FAAH2: variants seen among roughly 807,000 people sequenced by gnomAD.
The protein encoded by FAAH2 is fatty acid amide hydrolase 2, also known as fatty-acid amide hydrolase 2.
In FAAH2, 60 loss-of-function variants were observed where a neutral mutation model predicts 36.9. That is an observed-to-expected ratio of 1.63 (90% CI 1.32 to 2.02). The LOEUF (loss-of-function observed/expected upper bound fraction) is 2.02. Ranked by LOEUF, FAAH2 falls within the 30% of genes most tolerant of loss-of-function variation. The probability of loss-of-function intolerance (pLI) is 0.00; values close to 1 mark genes in which losing one functional copy is unlikely to be tolerated. For missense variants in FAAH2, 689 were observed against 397.5 expected (o/e 1.73, Z -6.23); for synonymous variants, 214 against 143.8 (o/e 1.49, Z -3.49).
the FAAH2 span, chrX:57,127,031 A>G: frequency 2.7e-5 from 3 of 111,401 alleles, no homozygotes; most frequent in African/African-American, 9.8e-5. Flanking sequence ...CCATCCCTGG[A>G]GTCCTACTTC....
At chrX:57,211,467 G>C in the FAAH2 span, among the ~76,000 whole-genome samples, 1 of 111,844 alleles carries the variant, frequency 8.9e-6, no homozygotes, top group African/African-American at 3.2e-5. Context: ...TGGAGGCAGA[G>C]CATGGAACCA....
At chrX:57,471,780 G>A (rs1403276576) in intron 10 of FAAH2, among the ~76,000 whole-genome samples, 1 of 111,668 alleles carries the variant, frequency 9.0e-6, no homozygotes. Context: ...AGCCCGCATT[G>A]CCAAGTCAAC....
chrX:57,409,129 A>G (rs2055637379), intron 7 of FAAH2, among the ~76,000 whole-genome samples: 1 of 111,668 alleles, frequency 9.0e-6, no homozygotes, highest in African/African-American at 3.2e-5. Flanking sequence ...ACATATATAA[A>G]CATATAAATA....
chrX:57,394,456 G>T (rs2055243568), intron 7 of FAAH2: 8 of 1,199,957 alleles, frequency 6.7e-6, no homozygotes, highest in Admixed American at 4.3e-5. Flanking sequence ...GCTTACCAAT[G>T]GGCTTCGGTT....
At chrX:57,394,066 A>C in intron 7 of FAAH2, 1 of 733,017 alleles carries the variant, frequency 1.4e-6, no homozygotes, top group South Asian at 2.1e-5. Flanking sequence ...TCTGAGCATC[A>C]ATAGCCGCAG....
At chrX:57,405,332 G>A (rs1024317875) in intron 7 of FAAH2, among the ~76,000 whole-genome samples, 1 of 111,127 alleles carries the variant, frequency 9.0e-6, no homozygotes, top group East Asian at 2.9e-4. Flanking sequence ...GTTGCACCAT[G>A]CAGTGAGTGT....
chrX:57,127,200 T>G, the FAAH2 span: 2 of 111,603 alleles, frequency 1.8e-5, no homozygotes, highest in Admixed American at 1.9e-4. Flanking sequence ...TTAAGTTATA[T>G]GAAACAATAC....
intron 5 of FAAH2, among the ~76,000 whole-genome samples, chrX:57,353,485 A>G (rs2054079803): frequency 6.2e-5 from 2 of 32,480 alleles, no homozygotes; most frequent in African/African-American, 1.4e-4. Flanking sequence ...ACCCCAAATT[A>G]TTAAAAAAAA....
At chrX:57,180,280 A>C in the FAAH2 span, among the ~76,000 whole-genome samples, 1 of 111,813 alleles carries the variant, frequency 8.9e-6, no homozygotes, top group African/African-American at 3.2e-5. Context: ...GAACTGAAGG[A>C]GATTGCAATA....
At chrX:57,469,209 G>A (rs2057110223) in intron 10 of FAAH2, among the ~76,000 whole-genome samples, 2 of 111,717 alleles carry the variant, frequency 1.8e-5, no homozygotes, top group Non-Finnish European at 3.8e-5. Context: ...AAAATAACCA[G>A]CTAACATCAT....
intron 7 of FAAH2, among the ~76,000 whole-genome samples, chrX:57,386,201 T>A (rs1365270919): frequency 3.6e-5 from 4 of 111,435 alleles, no homozygotes; most frequent in African/African-American, 1.3e-4. Context: ...TAGAAAATAC[T>A]GCCAATAAAA....
At chrX:57,365,342 A>G (rs2054388143) in intron 5 of FAAH2, among the ~76,000 whole-genome samples, 1 of 111,873 alleles carries the variant, frequency 8.9e-6, no homozygotes, top group Admixed American at 9.4e-5. Flanking sequence ...TATGACATTC[A>G]TGGTTGGAAT....
chrX:57,337,921 A>G (rs2053594421), intron 4 of FAAH2, among the ~76,000 whole-genome samples: 1 of 111,975 alleles, frequency 8.9e-6, no homozygotes, highest in Admixed American at 9.5e-5. Context: ...AGGCAAGAAA[A>G]AGAAATAAAG....
At chrX:57,411,256 T>C (rs973726944) in intron 7 of FAAH2, among the ~76,000 whole-genome samples, 1 of 112,189 alleles carries the variant, frequency 8.9e-6, no homozygotes, top group Non-Finnish European at 1.9e-5. Flanking sequence ...CCATTTATTT[T>C]CCCTAAAGCA....
At chrX:57,301,578 G>A (rs750754881) in intron 2 of FAAH2, among the ~76,000 whole-genome samples, 1,216 of 102,561 alleles carry the variant, frequency 0.012, 17 homozygotes, top group African/African-American at 0.041. Flanking sequence ...AAACCTGCAC[G>A]TTGTGCACAT....
At chrX:57,351,114 T>A (rs2053987801) in intron 5 of FAAH2, among the ~76,000 whole-genome samples, 1 of 111,451 alleles carries the variant, frequency 9.0e-6, no homozygotes, top group African/African-American at 3.2e-5. Context: ...CAACACAATT[T>A]TTAAAAATTG....
At chrX:57,376,390 T>G (rs1288769440) in intron 5 of FAAH2, among the ~76,000 whole-genome samples, 6 of 111,055 alleles carry the variant, frequency 5.4e-5, no homozygotes. Flanking sequence ...CCCCTAGCCC[T>G]TCACCCTCTG....
At chrX:57,150,696 G>T in the FAAH2 span, among the ~76,000 whole-genome samples, 1 of 111,768 alleles carries the variant, frequency 8.9e-6, no homozygotes, top group Non-Finnish European at 1.9e-5. Flanking sequence ...CACACTGATG[G>T]GTCTTGACTC....
intron 3 of FAAH2, among the ~76,000 whole-genome samples, chrX:57,324,788 AG>A (rs2053158687): frequency 8.9e-6 from 1 of 112,293 alleles, no homozygotes; most frequent in Admixed American, 9.4e-5. Context: ...ATCTGCAAAC[AG>A]GGACAATTTG....
Sources: gnomAD v4.1 joint callset for allele counts (sites outside exome capture counted in the v4.1 genomes callset) on GRCh38, gnomAD v4.1.1 for gene constraint, MANE v1.5 for transcripts, NCBI Gene and HGNC (gene_info 2026-07-23, HGNC 2026-07-21) for gene names.